CACNA1G: variants seen among roughly 807,000 people sequenced by gnomAD.
CACNA1G encodes the protein calcium voltage-gated channel subunit alpha1 G.
Under a neutral mutation model 219.4 loss-of-function variants are expected in CACNA1G, and 67 were observed. The ratio of observed to expected loss-of-function variants is 0.31; its 90% CI spans 0.25 to 0.37. CACNA1G has a LOEUF of 0.37. CACNA1G is among the 10% of genes least tolerant of loss of function. The pLI, the probability that CACNA1G is intolerant of heterozygous loss-of-function variation, is 1.00. For synonymous variants in CACNA1G, 1,296 were observed against 1,345.3 expected, an observed-to-expected ratio of 0.96 and a Z score of 0.80; for missense variants, 2,380 against 3,231.4, an observed-to-expected ratio of 0.74 and a Z score of 6.39.
rs113689848 is a variant in CACNA1G at position 50,603,714 on chromosome 17, A to AT, written c.4170-429dup. ...CAGCCAGTCACCACCCCCAACTCAG[A>AT]TTTTTTTTTTTTAATAGGGATGATG... On this transcript the variant is annotated intron_variant, in intron 21 of 37. Transcript: ENST00000359106. This position sits in a 1 kb window ranked among gnomAD's most constrained non-coding sequence, Gnocchi z 6.4. Among the ~76,000 whole-genome samples, 2,806 of 142,336 alleles carry AT rather than the reference A, an allele frequency of 0.02. 72 individuals carry two copies. Among genetic ancestry groups the AT allele is most frequent in the African/African-American group, 0.067 (2,584 of 38,570 alleles). The allele number at this position is 142,336 out of a possible 152,430, so 93.4% of individuals were successfully genotyped here.
chr17:50,577,969 C>G (rs75698299), intron 8 of CACNA1G, among the ~76,000 whole-genome samples: 1 of 152,144 alleles, frequency 6.6e-6, no homozygotes, highest in Non-Finnish European at 1.5e-5. Context: ...CCAGGACACT[C>G]AGCAGTGACT....
intron 13 of CACNA1G, 25 bp from the exon 14 acceptor site, chr17:50,594,968 C>A (rs2045209408): frequency 1.9e-6 from 3 of 1,547,432 alleles, no homozygotes; most frequent in Non-Finnish European, 2.6e-6. Flanking sequence ...CAGCAGCCCT[C>A]CCCTGCCTCC....
rs367919809 is a variant in CACNA1G at position 50,576,049 on chromosome 17, C to T, written c.1647C>T (p.Gly549=). ...TPALSGAPPG[G]AESVHSFYHA... ...CCCTCTCCGGGGCCCCCCCTGGTGG[C>T]GCAGAGTCTGTGCACAGCTTCTACC... Residue 549 remains glycine, a synonymous_variant, in exon 8 of 38, where the codon GGC becomes GGT. Transcript: ENST00000359106. 30 of 1,576,540 alleles carry T rather than the reference C, an allele frequency of 1.9e-5. No homozygotes were observed. The highest frequency in any genetic ancestry group is 1.1e-4 in the Admixed American group (6 of 55,076).
In CACNA1G at chr17:50,624,349, T is replaced by TGCCC; in HGVS notation, c.6230-11_6230-10insGCCC. 19 of 434,862 alleles carry TGCCC rather than the reference T, an allele frequency of 4.4e-5. No individual in the cohort carries two copies. Among genetic ancestry groups the TGCCC allele is most frequent in the Non-Finnish European group, 6.4e-5 (19 of 294,890 alleles). The allele number at this position is 434,862 out of a possible 1,614,324, so 26.9% of individuals were successfully genotyped here. A position where few individuals can be genotyped will look rare whatever the true frequency, so the allele number is the denominator to read the frequency against. On this transcript the variant is annotated splice_polypyrimidine_tract_variant and intron_variant, in intron 36 of 37. Coordinates refer to ENST00000359106, the MANE Select transcript of CACNA1G (RefSeq NM_018896.5). ...TCCCCCCACCCCTCCCCCGCTTCCC[T>TGCCC]CCCTCCACAGGCTCCGTCTTGTCCG...
chr17:50,572,048 G>A lies in CACNA1G; in HGVS notation c.746+11G>A. ...TGAGAATTTCAGCCTGTGAGTGGTGGACAGGGTCCAGGGAGGACCTGGGAG... is the reference window on the plus strand; with the variant it reads ...TGAGAATTTCAGCCTGTGAGTGGTGAACAGGGTCCAGGGAGGACCTGGGAG... On this transcript the variant is annotated intron_variant, in intron 5 of 37. Transcript: ENST00000359106. The A allele has an allele frequency of 1.2e-6, 2 of 1,612,966 alleles. No homozygotes were observed. The highest frequency in any genetic ancestry group is 1.7e-6 in the Non-Finnish European group (2 of 1,179,184).
Position 50,573,005 on chromosome 17 carries a change from C to T in CACNA1G, c.1048-16C>T, listed in dbSNP as rs1272743723. ...TTGGTGGGCCCATAGTCAGCCTGCC[C>T]CTCTGCACCCCCTAGGTCATCACGC... On this transcript the variant is annotated splice_polypyrimidine_tract_variant and intron_variant, in intron 6 of 37. Coordinates refer to ENST00000359106, the MANE Select transcript of CACNA1G (RefSeq NM_018896.5). The T allele has an allele frequency of 1.9e-6, 3 of 1,573,066 alleles. No individual in the cohort carries two copies. The highest frequency in any genetic ancestry group is 2.3e-5 in the South Asian group (2 of 86,424).
Position 50,596,699 on chromosome 17 carries a change from A to C in CACNA1G, c.3065-31A>C. 1.2e-6 allele frequency: 2 copies of C among 1,613,204 alleles called. No individual in the cohort carries two copies. Among genetic ancestry groups the C allele is most frequent in the Non-Finnish European group, 1.7e-6 (2 of 1,179,566 alleles). On this transcript the variant is annotated intron_variant, in intron 15 of 37. Transcript: ENST00000359106. The surrounding 1 kb of genome is among the most constrained non-coding windows in gnomAD (Gnocchi z 4.8). Reference sequence around the variant, plus strand: ...TTGGCCCTGGGCCAGCCCTGTGTGGACTCGGGATCTCTCCCTCTCTCCCCG... The same window carrying C: ...TTGGCCCTGGGCCAGCCCTGTGTGGCCTCGGGATCTCTCCCTCTCTCCCCG...
rs1442128095 is a variant in CACNA1G, at chr17:50,595,028, A to T, written c.2946A>T (p.Leu982Phe). The T allele has an allele frequency of 2.6e-6, 4 of 1,554,252 alleles. No individual in the cohort carries two copies. The highest frequency in any genetic ancestry group is 3.5e-6 in the Non-Finnish European group (4 of 1,148,478). Residue 982 changes from leucine (L) to phenylalanine (F), a missense_variant, in exon 14 of 38, where the codon TTA becomes TTT. Coordinates refer to ENST00000359106, the MANE Select transcript of CACNA1G (RefSeq NM_018896.5). The part of the protein sequence containing the change: ...ISKREDASGQ[L>F]SCIQLPVDSQ... ...AACGGGAAGATGCGAGTGGACAGTT[A>T]AGCTGTATTCAGCTGCCTGTCGACT...
rs1244965218 is a variant in CACNA1G, at chr17:50,560,730, C to T, written c.-730C>T. 6.6e-6 allele frequency among the ~76,000 whole-genome samples: 1 copy of T among 152,186 alleles called. No individual in the cohort carries two copies. The highest frequency in any genetic ancestry group is 2.4e-5 in the African/African-American group (1 of 41,468). On this transcript the variant is annotated 5_prime_UTR_variant, in exon 1 of 38. Transcript: ENST00000359106. ...CAGCTGTGGTGTGCGCGGGGCTCCT[C>T]GCCGCCGCTTTCGCTCGCTCGCTCC... is the stretch of plus-strand genomic sequence containing the variant.
At position 50,572,581 on chromosome 17, in the gene CACNA1G, T is replaced by C. The variant is rs1368597194; in HGVS notation, c.774T>C (p.Tyr258=). The C allele has an allele frequency of 5.1e-6, 8 of 1,575,262 alleles. No individual in the cohort carries two copies. The African/African-American group carries it at 1.1e-4, about 21-fold the overall frequency. ...SLPLSVDLER[Y]YQTENEDESP... Reference sequence around the variant, plus strand: ...CCCTGAGCGTGGACCTGGAGCGCTATTACCAGACAGAGAACGAGGATGAGA... The same window carrying C: ...CCCTGAGCGTGGACCTGGAGCGCTACTACCAGACAGAGAACGAGGATGAGA... Residue 258 remains tyrosine (Y), a synonymous_variant, in exon 6 of 38, where the codon TAT becomes TAC. Transcript: ENST00000359106.
Position 50,626,875 on chromosome 17 carries a change from C to G in CACNA1G, c.*124C>G. On this transcript the variant is annotated 3_prime_UTR_variant, in exon 38 of 38. Transcript: ENST00000359106. The surrounding 1 kb of genome is among the most constrained non-coding windows in gnomAD (Gnocchi z 4.3). ...AAGGAGGCGGAGGCGCTCCTCCCTG[C>G]CTCAGTGGCTCTGGGTACCTGCAAG... The G allele has an allele frequency of 8.1e-7, 1 of 1,230,278 alleles. No individual in the cohort carries two copies. The highest frequency in any genetic ancestry group is 1.2e-6 in the Non-Finnish European group (1 of 835,834). The allele number at this position is 1,230,278 out of a possible 1,614,324, so 76.2% of individuals were successfully genotyped here. A position where few individuals can be genotyped will look rare whatever the true frequency, so the allele number is the denominator to read the frequency against.
intron 1 of CACNA1G, among the ~76,000 whole-genome samples, chr17:50,566,965 C>T (rs1225332509): frequency 6.6e-6 from 1 of 152,246 alleles, no homozygotes; most frequent in Non-Finnish European, 1.5e-5. Flanking sequence ...GACATTCACT[C>T]ACTGGGGCTC....
chr17:50,608,935 C>T (rs1447799802), intron 25 of CACNA1G, among the ~76,000 whole-genome samples: 2 of 152,186 alleles, frequency 1.3e-5, no homozygotes, highest in African/African-American at 4.8e-5. Flanking sequence ...CGGCCCACGT[C>T]TCTCTAAGTG....
At chr17:50,619,057 G>A in intron 33 of CACNA1G, 49 bp downstream of exon 33, 11 of 1,402,660 alleles carry the variant, frequency 7.8e-6, no homozygotes, top group Non-Finnish European at 1.0e-5. Flanking sequence ...GCAGGAGAAG[G>A]GTGTGGAGGG....
chr17:50,587,208 C>T (rs1423450951), intron 9 of CACNA1G, among the ~76,000 whole-genome samples: 2 of 152,098 alleles, frequency 1.3e-5, no homozygotes, highest in Non-Finnish European at 2.9e-5. Flanking sequence ...TAGAGGGAGG[C>T]ACAACGGACC....
chr17:50,617,951 T>TC lies in CACNA1G; in HGVS notation c.5226+23dup. On this transcript the variant is annotated intron_variant, in intron 30 of 37. Transcript: ENST00000359106. This position sits in a 1 kb window ranked among gnomAD's most constrained non-coding sequence, Gnocchi z 5.8. ...CCAGGTAGCCGGGAGGTGGGGGGCC[T>TC]CTGGGGAGGGGGAGGTGCTTTCCAG... The TC allele has an allele frequency of 1.9e-6, 3 of 1,613,250 alleles. No individual in the cohort carries two copies. In the East Asian group the frequency reaches 6.7e-5, roughly 36 times the overall value.
Position 50,626,893 on chromosome 17 carries a change from C to T in CACNA1G, c.*142C>T. 1 of 1,053,874 alleles carries T rather than the reference C, an allele frequency of 9.5e-7. No individual in the cohort carries two copies. The highest frequency in any genetic ancestry group is 1.3e-5 in the South Asian group (1 of 79,060). The allele number at this position is 1,053,874 out of a possible 1,614,324, so 65.3% of individuals were successfully genotyped here. On this transcript the variant is annotated 3_prime_UTR_variant, in exon 38 of 38. Transcript: ENST00000359106. The surrounding 1 kb of genome is among the most constrained non-coding windows in gnomAD (Gnocchi z 4.3). The stretch of plus-strand genomic sequence containing the variant: ...CTCCCTGCCTCAGTGGCTCTGGGTA[C>T]CTGCAAGCAGAACTTCCAAAGAGAG...
chr17:50,566,328 C>G lies in CACNA1G; in HGVS notation c.243-2542C>G, dbSNP rs570449084. Among the ~76,000 whole-genome samples, 12 of 151,464 alleles carry G rather than the reference C, an allele frequency of 7.9e-5. No individual in the cohort carries two copies. In the East Asian group the frequency reaches 2.1e-3, roughly 27 times the overall value. On this transcript the variant is annotated intron_variant, in intron 1 of 37. Transcript: ENST00000359106. Reference sequence around the variant, plus strand: ...AAGACCCCCCCCCCATCAATTATTCCTCTATTCAGAGTGTCCCAAATTGTC... The same window carrying G: ...AAGACCCCCCCCCCATCAATTATTCGTCTATTCAGAGTGTCCCAAATTGTC...
rs58317640 is a variant in CACNA1G, at chr17:50,609,832, C to G, written c.4706-50C>G. On this transcript the variant is annotated intron_variant, in intron 25 of 37. Transcript: ENST00000359106. ...GGAAGCCGCCCCTGAGGGGCCCTGCCCAGCGCACCTGGTCCGGCCAGTGAC... is the reference window on the plus strand; with the variant it reads ...GGAAGCCGCCCCTGAGGGGCCCTGCGCAGCGCACCTGGTCCGGCCAGTGAC... 1.6e-4 allele frequency: 255 copies of G among 1,573,518 alleles called. 1 individual carries two copies. The highest frequency in any genetic ancestry group is 2.1e-4 in the Non-Finnish European group (246 of 1,151,142).
Sources: gnomAD v4.1 joint callset for allele counts (sites outside exome capture counted in the v4.1 genomes callset) on GRCh38, gnomAD v4.1.1 for gene constraint, Gnocchi (gnomAD v3.1) non-coding constraint, MANE v1.5 for transcripts, NCBI Gene and HGNC (gene_info 2026-07-23, HGNC 2026-07-21) for gene names.